The following NTRK1 variants were observed in gnomAD, a reference collection of about 807,000 sequenced individuals.
The protein encoded by NTRK1 is high affinity nerve growth factor receptor.
NTRK1 carries 62 observed loss-of-function variants against 86.8 expected under a neutral mutation model. The ratio of observed to expected loss-of-function variants is 0.71; its 90% CI spans 0.58 to 0.88. The LOEUF (loss-of-function observed/expected upper bound fraction) is 0.88. NTRK1 is among the 40% of genes least tolerant of loss of function. NTRK1 has a pLI of 0.00. For missense variants in NTRK1, 967 were observed against 1,078.4 expected (o/e 0.90, Z 1.45); for synonymous variants, 469 against 456.6 (o/e 1.03, Z -0.35).
Position 156,854,878 on chromosome 1 carries a change from C to G in NTRK1, c.51-9476C>G, listed in dbSNP as rs1444387872. On this transcript the variant is annotated intron_variant, in intron 2 of 16. Coordinates refer to the NTRK1 transcript ENST00000392302. The surrounding 1 kb of genome is among the most constrained non-coding windows in gnomAD (Gnocchi z 4.2). ...CACGTTTCTCCTCTGCTTATAACCC[C>G]CCGTGACTTCCATCTCTCTTGATCT... is the stretch of plus-strand genomic sequence containing the variant. Among the ~76,000 whole-genome samples the G allele has an allele frequency of 6.6e-6, 1 of 152,144 alleles. No homozygotes were observed. The highest frequency in any genetic ancestry group is 1.5e-5 in the Non-Finnish European group (1 of 68,024).
chr1:156,864,926 AC>A, intron 3 of NTRK1, 127 bp downstream of exon 3: 1 of 913,794 alleles, frequency 1.1e-6, no homozygotes, highest in Non-Finnish European at 1.8e-6. Context: ...AAGTCACCTC[AC>A]CATTCTCCTG....
intron 2 of NTRK1, chr1:156,846,211 C>A: frequency 7.6e-7 from 1 of 1,315,732 alleles, no homozygotes. Context: ...GTCCAACAGC[C>A]TTGTTCTCCC....
chr1:156,845,955 G>A, intron 2 of NTRK1: 1 of 1,611,878 alleles, frequency 6.2e-7, no homozygotes, highest in Non-Finnish European at 8.5e-7. Context: ...TGCGCACCGC[G>A]GTGGCAGTAG....
chr1:156,881,704 C>G lies in NTRK1; in HGVS notation c.*62C>G, dbSNP rs1352374509. The G allele has an allele frequency of 6.1e-6, 9 of 1,475,474 alleles. No homozygotes were observed. The highest frequency in any genetic ancestry group is 1.3e-5 in the South Asian group (1 of 79,486). The allele number at this position is 1,475,474 out of a possible 1,614,324, so 91.4% of individuals were successfully genotyped here. On this transcript the variant is annotated 3_prime_UTR_variant, in exon 17 of 17. Transcript: ENST00000524377. The stretch of plus-strand genomic sequence containing the variant: ...TACTGGGGCCTGCCCTCAGCATCCC[C>G]CATAGCTCCCAGCAGCCCCAGGGTG...
intron 1 of NTRK1, among the ~76,000 whole-genome samples, 164 bp downstream of exon 1, chr1:156,861,310 G>A (rs2102880107): frequency 6.6e-6 from 1 of 152,364 alleles, no homozygotes; most frequent in South Asian, 2.1e-4. Context: ...CGCAGCCGCC[G>A]CTGCCCTAGC....
chr1:156,866,814 G>A, intron 3 of NTRK1, 96 bp from the exon 4 acceptor site: 1 of 1,350,424 alleles, frequency 7.4e-7, no homozygotes, highest in Non-Finnish European at 1.1e-6. Flanking sequence ...GGAGCCAGAT[G>A]TCAACTTCTT....
At chr1:156,855,459 C>T (rs1004958948) in intron 2 of NTRK1, among the ~76,000 whole-genome samples, 2 of 152,194 alleles carry the variant, frequency 1.3e-5, no homozygotes, top group Admixed American at 1.3e-4. Flanking sequence ...CCCACCTTGG[C>T]CTCCCAAAGT....
intron 1 of NTRK1, chr1:156,840,750 C>T: frequency 1.3e-6 from 1 of 752,656 alleles, no homozygotes. Context: ...CTGTTCTCTG[C>T]CCCACCCTCG....
chr1:156,858,244 A>G (rs1655479718), upstream of NTRK1, among the ~76,000 whole-genome samples: 1 of 152,170 alleles, frequency 6.6e-6, no homozygotes, highest in Admixed American at 6.5e-5. Context: ...TCACGGCCTC[A>G]TTTGGGTTTT....
chr1:156,844,420 G>A (rs903473844), intron 2 of NTRK1: 5 of 1,599,356 alleles, frequency 3.1e-6, no homozygotes, highest in Non-Finnish European at 3.4e-6. Flanking sequence ...GACCAGGTAG[G>A]GCTGTTCGGT....
intron 3 of NTRK1, among the ~76,000 whole-genome samples, chr1:156,865,498 C>G (rs952602569): frequency 6.6e-6 from 1 of 152,178 alleles, no homozygotes; most frequent in African/African-American, 2.4e-5. Flanking sequence ...GCTCACTCAC[C>G]GCTGCTCACC....
chr1:156,873,770 ACT>A lies in NTRK1; in HGVS notation c.989_990del (p.Thr330ArgfsTer9), dbSNP rs2102905446. The A allele has an allele frequency of 1.2e-6, 2 of 1,612,872 alleles. No individual in the cohort carries two copies. The highest frequency in any genetic ancestry group is 1.7e-6 in the Non-Finnish European group (2 of 1,179,690). ...GCTCAATGAGACCAGCTTCATCTTC[ACT>A]GAGTTCCTGGAGCCGGCAGCCAATG... ...SVLNETSFIF[T>X]EFLEPAANET... On this transcript the variant is annotated frameshift_variant, in exon 8 of 17. Transcript: ENST00000524377. LOFTEE classifies it high-confidence loss of function.
upstream of NTRK1, chr1:156,860,823 C>G: frequency 7.4e-7 from 1 of 1,342,470 alleles, no homozygotes; most frequent in East Asian, 3.1e-5. Context: ...CCGCCCTTTC[C>G]TGGCGGCTGG....
chr1:156,841,170 A>C lies in NTRK1; in HGVS notation c.-63-911A>C, dbSNP rs1432816365. 7.1e-6 allele frequency: 9 copies of C among 1,266,868 alleles called. No homozygotes were observed. In the African/African-American group the frequency reaches 1.0e-4, roughly 15 times the overall value. 78.5% of individuals were successfully genotyped at this position (1,266,868 alleles called of 1,614,324 possible). On this transcript the variant is annotated intron_variant, in intron 1 of 16. Transcript: ENST00000392302. ...CCCTGCCACGCTCTCAGCCTCCTGC[A>C]CTGAGGGTCAGTTGGTGGGAGTGGG...
In NTRK1 at chr1:156,842,595, C is replaced by G. The variant is rs1654841619; in HGVS notation, c.50+402C>G. ...CTGATCTGCTATGACCACAGTCTGACTCAGACACCAAACCTGACCCTAACC... is the reference window on the plus strand; with the variant it reads ...CTGATCTGCTATGACCACAGTCTGAGTCAGACACCAAACCTGACCCTAACC... On this transcript the variant is annotated intron_variant, in intron 2 of 16. Coordinates refer to the NTRK1 transcript ENST00000392302. The G allele has an allele frequency of 7.3e-6, 7 of 957,824 alleles. No homozygotes were observed. In the Admixed American group the frequency reaches 1.4e-4, roughly 19 times the overall value. 59.3% of individuals were successfully genotyped at this position (957,824 alleles called of 1,614,324 possible).
rs140689622 is a variant in NTRK1, at chr1:156,839,910, G to A, written c.-63-2171G>A. ...ACTGCCATGGCAACCCTGGCTGCTCGGGTCCTCATGGAGGTGGTGTTTGAC... is the reference window on the plus strand; with the variant it reads ...ACTGCCATGGCAACCCTGGCTGCTCAGGTCCTCATGGAGGTGGTGTTTGAC... On this transcript the variant is annotated intron_variant, in intron 1 of 16. Transcript: ENST00000392302. 4.3e-3 allele frequency among the ~76,000 whole-genome samples: 658 copies of A among 152,204 alleles called. 7 individuals carry two copies. Among genetic ancestry groups the A allele is most frequent in the African/African-American group, 0.015 (630 of 41,492 alleles).
At chr1:156,846,678 G>A (rs1379792682) in intron 2 of NTRK1, 3 of 1,614,078 alleles carry the variant, frequency 1.9e-6, no homozygotes, top group Non-Finnish European at 2.5e-6. Context: ...CGGCTTAGGG[G>A]CAGCTCCACA....
chr1:156,858,691 G>T, upstream of NTRK1: 2 of 1,319,814 alleles, frequency 1.5e-6, no homozygotes, highest in Non-Finnish European at 2.2e-6. Context: ...GGTGTGATAA[G>T]CCCTAAGGGA....
chr1:156,836,182 GGACCC>G (rs1219475486), intron 1 of NTRK1, among the ~76,000 whole-genome samples: 1 of 152,082 alleles, frequency 6.6e-6, no homozygotes, highest in African/African-American at 2.4e-5. Context: ...CCTCAGGATG[GGACCC>G]GTCTCATCTC....
Sources: gnomAD v4.1 joint callset for allele counts (sites outside exome capture counted in the v4.1 genomes callset) on GRCh38, gnomAD v4.1.1 for gene constraint, Gnocchi (gnomAD v3.1) non-coding constraint, MANE v1.5 for transcripts, NCBI Gene and HGNC (gene_info 2026-07-23, HGNC 2026-07-21) for gene names.